Variants in GREB1L observed in about 807,000 individuals in gnomAD.
GREB1L encodes the protein GREB1 like retinoic acid receptor coactivator, also known as GREB1-like protein.
A neutral mutation model predicts 200.8 loss-of-function variants in GREB1L; 17 were observed. The observed-to-expected ratio is 0.08, with a 90% CI of 0.06 to 0.13. GREB1L has a LOEUF of 0.13. Among genes scored for constraint, GREB1L ranks in the 10% least tolerant of loss-of-function variants. The pLI, the probability that GREB1L is intolerant of heterozygous loss-of-function variation, is 1.00. For missense variants in GREB1L, 1,657 were observed against 2,367.7 expected (o/e 0.70, Z 6.23); for synonymous variants, 789 against 893.0 (o/e 0.88, Z 2.08).
intron 1 of GREB1L, among the ~76,000 whole-genome samples, chr18:21,355,716 A>T (rs1454251136): frequency 1.3e-5 from 2 of 152,210 alleles, no homozygotes; most frequent in Admixed American, 6.5e-5. Context: ...AAGGCATGTT[A>T]GATGAGAACT....
At chr18:21,472,174 A>G (rs2035508758) in intron 15 of GREB1L, among the ~76,000 whole-genome samples, 1 of 152,236 alleles carries the variant, frequency 6.6e-6, no homozygotes, top group Non-Finnish European at 1.5e-5. Flanking sequence ...TACAGATTCT[A>G]GATGCTAATT....
chr18:21,441,910 G>C (rs556638272), intron 10 of GREB1L, among the ~76,000 whole-genome samples: 112 of 152,206 alleles, frequency 7.4e-4, no homozygotes, highest in Admixed American at 1.6e-3. Context: ...CCTCTGCCTG[G>C]AGGGATCTGA....
chr18:21,485,535 G>A (rs1457800376), intron 17 of GREB1L, 85 bp from the exon 18 acceptor site: 4 of 1,274,872 alleles, frequency 3.1e-6, no homozygotes, highest in Non-Finnish European at 4.3e-6. Flanking sequence ...TCTTACAGCG[G>A]TCATTTCTGT....
At chr18:21,506,003 T>A in intron 25 of GREB1L, 54 bp downstream of exon 25, 1 of 1,510,028 alleles carries the variant, frequency 6.6e-7, no homozygotes, top group Non-Finnish European at 8.9e-7. Context: ...ATTTTGTATG[T>A]AAGGGTGGGG....
intron 1 of GREB1L, among the ~76,000 whole-genome samples, chr18:21,265,058 T>C (rs963893013): frequency 5.3e-5 from 8 of 152,164 alleles, no homozygotes; most frequent in African/African-American, 1.4e-4. Flanking sequence ...GCTACACTTA[T>C]TGTTGTTTTT....
Position 21,296,775 on chromosome 18 carries a change from C to T in GREB1L, c.-120+54382C>T, listed in dbSNP as rs375097844. On this transcript the variant is annotated intron_variant, in intron 1 of 32. Coordinates refer to ENST00000424526, the MANE Select transcript of GREB1L (RefSeq NM_001142966.3). ...GTTCAAGCAGTTCTCCTGCCTCAGCCTCCTGATTATCTGGGACTATAGGCA... is the reference window on the plus strand; with the variant it reads ...GTTCAAGCAGTTCTCCTGCCTCAGCTTCCTGATTATCTGGGACTATAGGCA... Among the ~76,000 whole-genome samples, 44 of 152,042 alleles carry T rather than the reference C, an allele frequency of 2.9e-4. No individual in the cohort carries two copies. In the East Asian group the frequency reaches 4.1e-3, roughly 14 times the overall value.
At chr18:21,519,919 C>A (rs1018162059) in intron 31 of GREB1L, among the ~76,000 whole-genome samples, 8 of 150,466 alleles carry the variant, frequency 5.3e-5, no homozygotes, top group Non-Finnish European at 1.0e-4. Flanking sequence ...AATTCATGCA[C>A]TGTCTTTTTT....
At chr18:21,455,853 T>C (rs1013030856) in intron 15 of GREB1L, among the ~76,000 whole-genome samples, 1 of 151,362 alleles carries the variant, frequency 6.6e-6, no homozygotes, top group Admixed American at 6.6e-5. Context: ...AAATGCAGAT[T>C]CCACTTCAGT....
At position 21,273,302 on chromosome 18, in the gene GREB1L, CAT is replaced by C. The variant is rs967200383; in HGVS notation, c.-120+30912_-120+30913del. Among the ~76,000 whole-genome samples, 5 of 152,236 alleles carry C rather than the reference CAT, an allele frequency of 3.3e-5. No individual in the cohort carries two copies. In the South Asian group the frequency reaches 6.2e-4, roughly 19 times the overall value. On this transcript the variant is annotated intron_variant, in intron 1 of 32. Transcript: ENST00000424526. ...GAACTAGCTGCTCACAAATAATTAA[CAT>C]ATGTAGTAATATTTTGTCACATCTA...
chr18:21,411,843 A>T (rs2031055523), intron 7 of GREB1L, among the ~76,000 whole-genome samples: 1 of 151,298 alleles, frequency 6.6e-6, no homozygotes, highest in Non-Finnish European at 1.5e-5. Flanking sequence ...CAGGAGATCG[A>T]GACCATCCTG....
intron 23 of GREB1L, among the ~76,000 whole-genome samples, chr18:21,501,655 G>A (rs190371829): frequency 3.3e-5 from 5 of 152,318 alleles, no homozygotes; most frequent in Non-Finnish European, 7.3e-5. Flanking sequence ...AATTCGAGTT[G>A]TAGTATTCAA....
At chr18:21,312,134 G>A (rs1340642831) in intron 1 of GREB1L, among the ~76,000 whole-genome samples, 4 of 152,110 alleles carry the variant, frequency 2.6e-5, no homozygotes, top group Non-Finnish European at 4.4e-5. Flanking sequence ...CTCCATCCAT[G>A]TCCCTGCAAA....
intron 8 of GREB1L, 95 bp downstream of exon 8, chr18:21,439,732 G>A: frequency 1.3e-6 from 1 of 799,742 alleles, no homozygotes; most frequent in South Asian, 1.6e-5. Flanking sequence ...ACACACTCTA[G>A]AGTTTTTTCT....
intron 18 of GREB1L, among the ~76,000 whole-genome samples, chr18:21,487,071 G>A (rs1005189330): frequency 2.6e-5 from 4 of 152,322 alleles, no homozygotes; most frequent in African/African-American, 9.6e-5. Flanking sequence ...AACTGACACT[G>A]TGACATTAAT....
intron 7 of GREB1L, among the ~76,000 whole-genome samples, chr18:21,435,800 C>T (rs550554471): frequency 6.6e-6 from 1 of 152,220 alleles, no homozygotes; most frequent in East Asian, 1.9e-4. Context: ...GGATTTCACT[C>T]TATAACTTAT....
chr18:21,491,956 C>A (rs1336125357), intron 19 of GREB1L, among the ~76,000 whole-genome samples: 1 of 151,886 alleles, frequency 6.6e-6, no homozygotes, highest in East Asian at 1.9e-4. Context: ...CAGTGGAATT[C>A]CTAGGATGAA....
chr18:21,482,880 T>C (rs1031718491), intron 17 of GREB1L, among the ~76,000 whole-genome samples: 17 of 152,092 alleles, frequency 1.1e-4, no homozygotes, highest in African/African-American at 4.1e-4. Flanking sequence ...GAAATAGTGA[T>C]TCAATAAGTC....
chr18:21,246,160 G>GT (rs1395936098), intron 1 of GREB1L, among the ~76,000 whole-genome samples: 4 of 151,864 alleles, frequency 2.6e-5, no homozygotes, highest in Admixed American at 2.6e-4. Context: ...AGAGGTTGTG[G>GT]GTTTAAACCT....
At chr18:21,465,144 A>G (rs1005040412) in intron 15 of GREB1L, among the ~76,000 whole-genome samples, 1 of 152,174 alleles carries the variant, frequency 6.6e-6, no homozygotes, top group African/African-American at 2.4e-5. Flanking sequence ...GCAATTTTCA[A>G]GTGTAAAATA....
Sources: gnomAD v4.1 joint callset for allele counts (sites outside exome capture counted in the v4.1 genomes callset) on GRCh38, gnomAD v4.1.1 for gene constraint, MANE v1.5 for transcripts, NCBI Gene and HGNC (gene_info 2026-07-23, HGNC 2026-07-21) for gene names.